The following ACYP2 variants were observed in gnomAD, a reference collection of about 807,000 sequenced individuals.
ACYP2 encodes acylphosphatase-2.
A neutral mutation model predicts 11.2 loss-of-function variants in ACYP2; 12 were observed. That is an observed-to-expected ratio of 1.08 (90% CI 0.69 to 1.74). ACYP2 has a LOEUF of 1.74. Among genes scored for constraint, ACYP2 ranks in the 40% most tolerant of loss-of-function variants. The probability of loss-of-function intolerance (pLI) is 0.00; values close to 1 mark genes in which losing one functional copy is unlikely to be tolerated. For synonymous variants in ACYP2, 43 were observed against 32.2 expected (o/e 1.33, Z -1.13); for missense variants, 134 against 101.9 (o/e 1.31, Z -1.35).
chr2:54,277,283 C>T (rs959709022), intron 6 of ACYP2, among the ~76,000 whole-genome samples: 24 of 152,182 alleles, frequency 1.6e-4, no homozygotes, highest in Admixed American at 6.5e-5. Context: ...TTCCTTTTCC[C>T]TCCTAGGAGA....
intron 6 of ACYP2, among the ~76,000 whole-genome samples, chr2:54,184,957 T>C (rs1202581627): frequency 6.6e-6 from 1 of 152,022 alleles, no homozygotes; most frequent in Non-Finnish European, 1.5e-5. Context: ...AGCAGTTCTC[T>C]GCCTCAGCCT....
intron 6 of ACYP2, among the ~76,000 whole-genome samples, chr2:54,201,608 C>CTCTTTCTTTCTT (rs1684785022): frequency 1.3e-5 from 1 of 79,860 alleles, no homozygotes; most frequent in Non-Finnish European, 2.5e-5. Context: ...TTCTTTCTTT[C>CTCTTTCTTTCTT]TTTCTTTCTT....
chr2:53,992,990 G>T (rs1558458364), intron 2 of ACYP2, among the ~76,000 whole-genome samples: 1 of 152,124 alleles, frequency 6.6e-6, no homozygotes, highest in Non-Finnish European at 1.5e-5. Flanking sequence ...CGGATCACTT[G>T]AATCCAGGAG....
At chr2:54,086,780 T>C (rs1298893492) in intron 4 of ACYP2, among the ~76,000 whole-genome samples, 1 of 152,244 alleles carries the variant, frequency 6.6e-6, no homozygotes, top group Non-Finnish European at 1.5e-5. Flanking sequence ...TAAACTCTTG[T>C]TCCCATTTAA....
chr2:54,229,841 T>C (rs1431774480), intron 6 of ACYP2, among the ~76,000 whole-genome samples: 1 of 152,202 alleles, frequency 6.6e-6, no homozygotes, highest in African/African-American at 2.4e-5. Context: ...ACTAACATCA[T>C]ATAGTGTTGT....
chr2:53,973,236 G>A (rs1268095757), intron 1 of ACYP2, among the ~76,000 whole-genome samples: 1 of 152,134 alleles, frequency 6.6e-6, no homozygotes, highest in Admixed American at 6.5e-5. Flanking sequence ...ATAGAAATCT[G>A]ATTATGGTGA....
intron 4 of ACYP2, among the ~76,000 whole-genome samples, chr2:54,129,684 G>A (rs975481530): frequency 6.7e-6 from 1 of 149,338 alleles, no homozygotes; most frequent in East Asian, 1.9e-4. Flanking sequence ...TATATATTCA[G>A]TCATTATATA....
chr2:54,280,869 T>G (rs1259751814), intron 6 of ACYP2, among the ~76,000 whole-genome samples: 1 of 152,148 alleles, frequency 6.6e-6, no homozygotes, highest in African/African-American at 2.4e-5. Context: ...GAAGATAGGT[T>G]TGTATTCCAC....
intron 6 of ACYP2, among the ~76,000 whole-genome samples, chr2:54,194,367 T>A (rs1446753510): frequency 1.3e-5 from 2 of 152,136 alleles, no homozygotes. Flanking sequence ...TTGGGAACAC[T>A]GTGTAATGGA....
intron 4 of ACYP2, among the ~76,000 whole-genome samples, chr2:54,095,731 G>A (rs558653409): frequency 0.031 from 3,884 of 123,938 alleles, 41 homozygotes; most frequent in Admixed American, 0.05. Flanking sequence ...CCCAGTAGGG[G>A]CGGCCGGGCA....
intron 6 of ACYP2, among the ~76,000 whole-genome samples, chr2:54,284,128 G>C (rs960949090): frequency 6.6e-6 from 1 of 152,150 alleles, no homozygotes; most frequent in South Asian, 2.1e-4. Flanking sequence ...GATTATAACA[G>C]TTCTTATAAT....
intron 6 of ACYP2, among the ~76,000 whole-genome samples, chr2:54,182,499 G>A (rs1005266415): frequency 2.0e-5 from 3 of 152,020 alleles, no homozygotes; most frequent in Admixed American, 6.6e-5. Context: ...GCGTCACCAC[G>A]CCCAGCTATT....
At chr2:54,119,712 G>A (rs2103738026) in intron 4 of ACYP2, among the ~76,000 whole-genome samples, 1 of 152,342 alleles carries the variant, frequency 6.6e-6, no homozygotes, top group East Asian at 1.9e-4. Flanking sequence ...TGTTAGTATA[G>A]GGACCGTACA....
At chr2:54,142,854 GT>G (rs1184844311) in intron 6 of ACYP2, 1 of 152,072 alleles carries the variant, frequency 6.6e-6, no homozygotes, top group Non-Finnish European at 1.5e-5. Flanking sequence ...TGATTTTATG[GT>G]TTTCTTTATA....
chr2:54,168,509 A>G (rs2103844497), intron 6 of ACYP2, among the ~76,000 whole-genome samples: 1 of 152,318 alleles, frequency 6.6e-6, no homozygotes, highest in South Asian at 2.1e-4. Context: ...AAAGGAAAAA[A>G]GCCACATGAA....
intron 2 of ACYP2, among the ~76,000 whole-genome samples, chr2:54,024,237 G>A (rs919794535): frequency 1.7e-4 from 25 of 151,362 alleles, no homozygotes; most frequent in African/African-American, 4.3e-4. Context: ...GTTGTGGCTC[G>A]TGCCTGTAGT....
At chr2:54,086,086 G>T (rs1427535195) in intron 4 of ACYP2, among the ~76,000 whole-genome samples, 1 of 152,078 alleles carries the variant, frequency 6.6e-6, no homozygotes, top group African/African-American at 2.4e-5. Flanking sequence ...TGGGATTACA[G>T]GTGTGCACCA....
chr2:54,151,740 TA>T (rs2103811077), intron 6 of ACYP2, among the ~76,000 whole-genome samples: 1 of 152,324 alleles, frequency 6.6e-6, no homozygotes, highest in African/African-American at 2.4e-5. Flanking sequence ...TAAAATGACT[TA>T]AGGGTATAGT....
chr2:54,201,636 C>CTTTCTTTT lies in ACYP2; in HGVS notation c.404+62889_404+62890insTTCTTTTT, dbSNP rs59874821. ...TCTTTCTTTCTTTGTTTCTTTCTTT[C>CTTTCTTTT]TCTTTCTTTCTTTCTTTCTTTCTTT... On this transcript the variant is annotated intron_variant, in intron 6 of 6. Coordinates refer to ENST00000607452, the MANE Select transcript of ACYP2 (RefSeq NM_001320586.2). 6.9e-3 allele frequency among the ~76,000 whole-genome samples: 651 copies of CTTTCTTTT among 93,684 alleles called. 16 individuals carry two copies. Among genetic ancestry groups the CTTTCTTTT allele is most frequent in the Non-Finnish European group, 9.9e-3 (463 of 46,540 alleles). The allele number at this position is 93,684 out of a possible 152,430, so 61.5% of individuals were successfully genotyped here.
Sources: gnomAD v4.1 joint callset for allele counts (sites outside exome capture counted in the v4.1 genomes callset) on GRCh38, gnomAD v4.1.1 for gene constraint, MANE v1.5 for transcripts, NCBI Gene and HGNC (gene_info 2026-07-23, HGNC 2026-07-21) for gene names.